IKBIP: variants seen among roughly 807,000 people sequenced by gnomAD.
The protein encoded by IKBIP is IKBKB interacting protein.
A neutral mutation model predicts 31.0 loss-of-function variants in IKBIP; 28 were observed. The observed-to-expected ratio is 0.90, with a 90% CI of 0.67 to 1.24. The LOEUF is 1.24. Among genes scored for constraint, IKBIP ranks in the 50% most tolerant of loss-of-function variants. The pLI is 0.00. For synonymous variants in IKBIP, 164 were observed against 160.3 expected, an observed-to-expected ratio of 1.02 and a Z score of -0.17; for missense variants, 453 against 441.9, an observed-to-expected ratio of 1.03 and a Z score of -0.23.
chr12:98,614,025 T>C (rs987309164), exon 3 of IKBIP: 13 of 1,609,824 alleles, frequency 8.1e-6, no homozygotes, highest in Non-Finnish European at 1.1e-5. Context: ...TTTTCTACTT[T>C]CTCTATTTTA....
chr12:98,632,483 G>GGAAAAA (rs1246465286), intron 2 of IKBIP, among the ~76,000 whole-genome samples: 2 of 11,564 alleles, frequency 1.7e-4, no homozygotes, highest in African/African-American at 5.8e-4. Context: ...GACTCTATCT[G>GGAAAAA]AAAAAAAAAA....
chr12:98,614,247 T>A, exon 3 of IKBIP: 3 of 1,612,708 alleles, frequency 1.9e-6, no homozygotes, highest in Non-Finnish European at 2.5e-6. Context: ...TTGGACCAAG[T>A]TTTTACCTCA....
chr12:98,621,180 C>T (rs575349527), downstream of IKBIP, among the ~76,000 whole-genome samples: 5 of 152,072 alleles, frequency 3.3e-5, no homozygotes, highest in Non-Finnish European at 7.4e-5. Flanking sequence ...ACCCAGGAGA[C>T]GGAGGTTGTA....
At chr12:98,627,119 C>CCACTA (rs1257344583) in intron 2 of IKBIP, among the ~76,000 whole-genome samples, 39 of 152,044 alleles carry the variant, frequency 2.6e-4, no homozygotes, top group Non-Finnish European at 5.3e-4. Flanking sequence ...CAGGTACGCG[C>CCACTA]CACTATGCCT....
At position 98,624,800 on chromosome 12, in the gene IKBIP, T is replaced by A. The variant is rs994132781; in HGVS notation, c.*1130A>T. On this transcript the variant is annotated 3_prime_UTR_variant, in exon 3 of 3. Transcript: ENST00000299157. ...CCCTCAAAACAGGCCACAGGCTTAT[T>A]TTTATTTATTTATTTATTTATTGAG... The A allele has an allele frequency of 2.4e-6, 2 of 845,266 alleles. No homozygotes were observed. Among genetic ancestry groups the A allele is most frequent in the African/African-American group, 3.7e-5 (2 of 54,372 alleles). 52.4% of individuals were successfully genotyped at this position (845,266 alleles called of 1,614,324 possible).
intron 2 of IKBIP, among the ~76,000 whole-genome samples, chr12:98,630,905 C>T (rs1258199519): frequency 3.3e-5 from 5 of 150,468 alleles, no homozygotes; most frequent in South Asian, 4.2e-4. Flanking sequence ...GAAAAAGCTA[C>T]GAAAAGACTG....
At chr12:98,635,833 A>C (rs1252850494) in intron 1 of IKBIP, among the ~76,000 whole-genome samples, 1 of 152,240 alleles carries the variant, frequency 6.6e-6, no homozygotes, top group East Asian at 1.9e-4. Context: ...TGCCAAAGTG[A>C]CAATAGATCA....
downstream of IKBIP, among the ~76,000 whole-genome samples, chr12:98,621,843 T>C (rs7138837): frequency 0.4 from 61,411 of 151,790 alleles, 13,493 homozygotes; most frequent in African/African-American, 0.6. Context: ...TTTGGGAGGC[T>C]GAGGTAGACG....
chr12:98,620,272 G>A (rs2097609107), downstream of IKBIP, among the ~76,000 whole-genome samples: 1 of 151,852 alleles, frequency 6.6e-6, no homozygotes, highest in Non-Finnish European at 1.5e-5. Context: ...GTTAGATGCT[G>A]TCCTGTAATG....
At chr12:98,613,579 G>A in exon 3 of IKBIP, 3 of 1,420,226 alleles carry the variant, frequency 2.1e-6, no homozygotes, top group African/African-American at 1.4e-5. Context: ...TCTCAATAAT[G>A]TCAAACTAAT....
chr12:98,621,857 C>A (rs1450444238), downstream of IKBIP, among the ~76,000 whole-genome samples: 1 of 151,712 alleles, frequency 6.6e-6, no homozygotes, highest in South Asian at 2.1e-4. Context: ...GTAGACGGAT[C>A]ACGAGGTCAA....
intron 1 of IKBIP, among the ~76,000 whole-genome samples, chr12:98,637,640 C>T (rs1186498913): frequency 6.6e-6 from 1 of 152,210 alleles, no homozygotes; most frequent in Non-Finnish European, 1.5e-5. Flanking sequence ...ATCTCTTGAC[C>T]TCATGTTCCG....
exon 3 of IKBIP, chr12:98,613,789 C>A (rs772334127): frequency 2.5e-6 from 4 of 1,610,404 alleles, no homozygotes; most frequent in Non-Finnish European, 3.4e-6. Context: ...GATTATACAC[C>A]TTTGGTTTTA....
chr12:98,624,152 G>T, downstream of IKBIP: 1 of 372,032 alleles, frequency 2.7e-6, no homozygotes, highest in Non-Finnish European at 3.6e-6. Context: ...ATTAAATGTG[G>T]TGATCGGTGA....
intron 1 of IKBIP, among the ~76,000 whole-genome samples, chr12:98,639,891 A>G (rs1235588391): frequency 1.3e-5 from 2 of 152,198 alleles, no homozygotes; most frequent in Non-Finnish European, 2.9e-5. Context: ...CACAATACCT[A>G]GTTTTCAAGA....
intron 2 of IKBIP, among the ~76,000 whole-genome samples, chr12:98,632,785 C>G (rs1225696365): frequency 2.6e-5 from 4 of 151,206 alleles, no homozygotes; most frequent in African/African-American, 7.3e-5. Flanking sequence ...CCACCATGCT[C>G]AGCTAATATT....
chr12:98,639,329 T>C (rs1240396847), intron 1 of IKBIP, among the ~76,000 whole-genome samples: 1 of 152,210 alleles, frequency 6.6e-6, no homozygotes, highest in Non-Finnish European at 1.5e-5. Flanking sequence ...TGTCCCCCTT[T>C]GAACACTAAG....
intron 2 of IKBIP, among the ~76,000 whole-genome samples, chr12:98,629,974 T>C (rs1036724003): frequency 3.9e-5 from 6 of 152,212 alleles, no homozygotes; most frequent in Non-Finnish European, 5.9e-5. Context: ...GGTCTCACCA[T>C]GTTGCCTGGG....
At chr12:98,630,300 G>A (rs1288524220) in intron 2 of IKBIP, among the ~76,000 whole-genome samples, 1 of 135,244 alleles carries the variant, frequency 7.4e-6, no homozygotes, top group African/African-American at 2.7e-5. Context: ...CAGGAGAATT[G>A]CTTGAACCCA....
Sources: allele counts gnomAD v4.1 joint callset (sites outside exome capture counted in the v4.1 genomes callset), GRCh38; gene constraint gnomAD v4.1.1; transcripts MANE v1.5; gene names NCBI Gene and HGNC (gene_info 2026-07-23, HGNC 2026-07-21).